Variants in CFAP299 observed in about 807,000 individuals in gnomAD.
CFAP299 encodes the protein cilia and flagella associated protein 299, also known as cilia- and flagella-associated protein 299.
Under a neutral mutation model 27.0 loss-of-function variants are expected in CFAP299, and 21 were observed. The observed-to-expected ratio is 0.78, with a 90% CI of 0.55 to 1.12. The LOEUF is 1.12. Among genes scored for constraint, CFAP299 ranks in the 50% most tolerant of loss-of-function variants. CFAP299 has a pLI of 0.00. For synonymous variants in CFAP299, 104 were observed against 98.1 expected (o/e 1.06, Z -0.36); for missense variants, 310 against 276.6 (o/e 1.12, Z -0.86).
At chr4:80,361,870 T>A (rs1195611279) in intron 1 of CFAP299, among the ~76,000 whole-genome samples, 1 of 152,164 alleles carries the variant, frequency 6.6e-6, no homozygotes, top group Non-Finnish European at 1.5e-5. Flanking sequence ...TAAGTCTTCA[T>A]AATAATAAAA....
chr4:80,799,896 ATATAT>A (rs1301409401), intron 3 of CFAP299, among the ~76,000 whole-genome samples: 47 of 39,396 alleles, frequency 1.2e-3, no homozygotes, highest in African/African-American at 5.5e-3. Flanking sequence ...TATATAAATT[ATATAT>A]TATAATATAA....
intron 3 of CFAP299, among the ~76,000 whole-genome samples, chr4:80,631,563 T>A (rs1181371054): frequency 6.6e-6 from 1 of 152,134 alleles, no homozygotes; most frequent in Admixed American, 6.6e-5. Flanking sequence ...TTTTAACAGC[T>A]CCAATATTTA....
intron 4 of CFAP299, among the ~76,000 whole-genome samples, chr4:80,940,780 C>A (rs369118018): frequency 6.6e-6 from 1 of 152,092 alleles, no homozygotes; most frequent in Admixed American, 6.6e-5. Flanking sequence ...AAAAATTATA[C>A]CTTGTAAATA....
chr4:80,862,529 T>A (rs181850615), intron 3 of CFAP299, among the ~76,000 whole-genome samples: 2 of 152,300 alleles, frequency 1.3e-5, no homozygotes, highest in African/African-American at 4.8e-5. Flanking sequence ...CTTAGTTTCT[T>A]ATGGTAAATA....
chr4:80,637,147 A>G (rs569747209), intron 3 of CFAP299, among the ~76,000 whole-genome samples: 1 of 152,322 alleles, frequency 6.6e-6, no homozygotes, highest in Admixed American at 6.5e-5. Flanking sequence ...GTAAAGATCA[A>G]GAACCTAAGT....
At chr4:80,348,282 C>A (rs1434470551) in intron 1 of CFAP299, among the ~76,000 whole-genome samples, 1 of 152,030 alleles carries the variant, frequency 6.6e-6, no homozygotes. Context: ...GCAGCAAAAG[C>A]AAAAATTGAC....
chr4:80,623,764 G>A (rs1738729771), intron 3 of CFAP299, among the ~76,000 whole-genome samples: 1 of 152,090 alleles, frequency 6.6e-6, no homozygotes, highest in South Asian at 2.1e-4. Context: ...CCCAGCATAA[G>A]GCAGACCCCC....
chr4:80,794,174 C>G (rs1210770191), intron 3 of CFAP299, among the ~76,000 whole-genome samples: 1 of 152,174 alleles, frequency 6.6e-6, no homozygotes, highest in Admixed American at 6.5e-5. Context: ...TTGCTTCTTA[C>G]CCTGTTGACT....
chr4:80,883,494 G>A (rs1487286955), intron 4 of CFAP299, among the ~76,000 whole-genome samples: 1 of 151,976 alleles, frequency 6.6e-6, no homozygotes, highest in African/African-American at 2.4e-5. Flanking sequence ...GTGGATGAAA[G>A]GATAAGAAAA....
chr4:80,769,156 A>G (rs1270593342), intron 3 of CFAP299, among the ~76,000 whole-genome samples: 1 of 152,224 alleles, frequency 6.6e-6, no homozygotes, highest in Non-Finnish European at 1.5e-5. Context: ...GGAAATAATG[A>G]TAAATACATC....
At chr4:80,621,314 C>A (rs1309078255) in intron 3 of CFAP299, among the ~76,000 whole-genome samples, 1 of 152,076 alleles carries the variant, frequency 6.6e-6, no homozygotes, top group Non-Finnish European at 1.5e-5. Flanking sequence ...GATTAAGTAT[C>A]AGATTTAAAG....
chr4:80,753,726 T>G (rs1725068800), intron 3 of CFAP299, among the ~76,000 whole-genome samples: 1 of 152,166 alleles, frequency 6.6e-6, no homozygotes, highest in South Asian at 2.1e-4. Context: ...CAATTGAATT[T>G]TCTTCAAGTT....
At chr4:80,650,500 G>A (rs1740227095) in intron 3 of CFAP299, among the ~76,000 whole-genome samples, 1 of 151,966 alleles carries the variant, frequency 6.6e-6, no homozygotes, top group Non-Finnish European at 1.5e-5. Flanking sequence ...CCTATTTGAT[G>A]TGTCAGATTT....
chr4:80,368,636 A>C (rs772421293), intron 2 of CFAP299, among the ~76,000 whole-genome samples: 1 of 152,166 alleles, frequency 6.6e-6, no homozygotes, highest in Non-Finnish European at 1.5e-5. Flanking sequence ...AAAAAAAATT[A>C]TGGTGATGAA....
chr4:80,873,773 T>C (rs927648829), intron 4 of CFAP299, among the ~76,000 whole-genome samples: 5 of 152,226 alleles, frequency 3.3e-5, no homozygotes, highest in Non-Finnish European at 4.4e-5. Flanking sequence ...TACATTTCCA[T>C]GTTTATGCAT....
chr4:80,411,039 C>T (rs1395695622), intron 2 of CFAP299, among the ~76,000 whole-genome samples: 2 of 152,094 alleles, frequency 1.3e-5, no homozygotes, highest in East Asian at 1.9e-4. Flanking sequence ...ATGTATTATA[C>T]GTGTCATAAT....
At chr4:80,885,543 A>G (rs1418737624) in intron 4 of CFAP299, among the ~76,000 whole-genome samples, 1 of 152,172 alleles carries the variant, frequency 6.6e-6, no homozygotes, top group African/African-American at 2.4e-5. Flanking sequence ...ACAGTGGGAT[A>G]GGGAAACAGG....
intron 3 of CFAP299, among the ~76,000 whole-genome samples, chr4:80,819,955 C>T (rs1729615711): frequency 2.0e-5 from 3 of 152,064 alleles, no homozygotes; most frequent in Admixed American, 1.3e-4. Flanking sequence ...AGACCTTTTT[C>T]CCCTTCTTAT....
intron 2 of CFAP299, among the ~76,000 whole-genome samples, chr4:80,478,777 G>T (rs1238888694): frequency 1.3e-5 from 2 of 151,438 alleles, no homozygotes; most frequent in Non-Finnish European, 2.9e-5. Context: ...TGTTATAGTG[G>T]AGTGCTCTGT....
Sources: allele counts gnomAD v4.1 joint callset (sites outside exome capture counted in the v4.1 genomes callset), GRCh38; gene constraint gnomAD v4.1.1; transcripts MANE v1.5; gene names NCBI Gene and HGNC (gene_info 2026-07-23, HGNC 2026-07-21).